Variants in HECW1 observed in about 807,000 individuals in gnomAD.
The protein encoded by HECW1 is E3 ubiquitin-protein ligase HECW1.
Under a neutral mutation model 182.3 loss-of-function variants are expected in HECW1, and 61 were observed. The observed-to-expected ratio is 0.33, with a 90% CI of 0.27 to 0.41. The LOEUF (loss-of-function observed/expected upper bound fraction) is 0.41, where lower values mean the gene tolerates loss of function less well. HECW1 is among the 10% of genes least tolerant of loss of function. HECW1 has a pLI of 1.00. For synonymous variants in HECW1, 859 were observed against 832.6 expected, an observed-to-expected ratio of 1.03 and a Z score of -0.55; for missense variants, 1,739 against 2,108.9, an observed-to-expected ratio of 0.82 and a Z score of 3.44.
chr7:43,476,654 T>C (rs1333648151), intron 16 of HECW1, among the ~76,000 whole-genome samples: 1 of 152,096 alleles, frequency 6.6e-6, no homozygotes, highest in Non-Finnish European at 1.5e-5. Flanking sequence ...AAATAAAATA[T>C]CCTGAAACAC....
At chr7:43,438,384 A>C (rs2076777019) in intron 9 of HECW1, 2 of 338,534 alleles carry the variant, frequency 5.9e-6, no homozygotes, top group African/African-American at 2.1e-5. Flanking sequence ...AGAGTAAAAA[A>C]TCCTATTAAA....
intron 24 of HECW1, among the ~76,000 whole-genome samples, chr7:43,539,861 G>A (rs1182023224): frequency 6.6e-6 from 1 of 152,184 alleles, no homozygotes; most frequent in Non-Finnish European, 1.5e-5. Context: ...TTATACACAG[G>A]TTGTGGTTAC....
Position 43,501,269 on chromosome 7 carries a change from G to A in HECW1, c.3578G>A (p.Gly1193Glu). The change falls in exon 21 of 30, where the codon GGG becomes GAG. Residue 1193 changes from glycine (G) to glutamate (E), a missense_variant. By Grantham distance (98) the Gly-to-Glu change is moderately conservative. Coordinates refer to ENST00000395891, the MANE Select transcript of HECW1 (RefSeq NM_015052.5). ...YVPLQAAFHP[G>E]YSFSPRCSPC... ...CCCCTGCAGGCTGCCTTCCACCCTG[G>A]GTATAGCTTCTCTCCCCGATGTTCA... is the stretch of plus-strand genomic sequence containing the variant. 1 of 1,609,106 alleles carries A rather than the reference G, an allele frequency of 6.2e-7. No individual in the cohort carries two copies. The highest frequency in any genetic ancestry group is 1.1e-5 in the South Asian group (1 of 90,860).
intron 8 of HECW1, among the ~76,000 whole-genome samples, chr7:43,420,654 A>T (rs1214809649): frequency 1.3e-5 from 2 of 152,236 alleles, no homozygotes; most frequent in Non-Finnish European, 2.9e-5. Flanking sequence ...CGTAAAATAA[A>T]TCATATTTCT....
At chr7:43,158,558 C>A (rs914936116) in intron 2 of HECW1, among the ~76,000 whole-genome samples, 5 of 152,216 alleles carry the variant, frequency 3.3e-5, no homozygotes, top group Admixed American at 6.5e-5. Context: ...AGCTGGGTAC[C>A]GCTTTTTAAA....
At chr7:43,483,094 C>T (rs911436927) in intron 17 of HECW1, among the ~76,000 whole-genome samples, 12 of 152,076 alleles carry the variant, frequency 7.9e-5, no homozygotes, top group South Asian at 2.1e-4. Context: ...AACAGGTTCC[C>T]GCTTGCTGTG....
At chr7:43,457,997 A>G (rs2077460280) in intron 13 of HECW1, among the ~76,000 whole-genome samples, 1 of 152,198 alleles carries the variant, frequency 6.6e-6, no homozygotes, top group Non-Finnish European at 1.5e-5. Flanking sequence ...AGCACACTTT[A>G]CAATCATTCT....
chr7:43,178,764 C>A (rs1250770865), intron 2 of HECW1, among the ~76,000 whole-genome samples: 1 of 152,216 alleles, frequency 6.6e-6, no homozygotes, highest in Non-Finnish European at 1.5e-5. Context: ...TGCTTTGAAT[C>A]ACTGTGGTTC....
intron 7 of HECW1, among the ~76,000 whole-genome samples, chr7:43,397,480 C>G (rs560529633): frequency 8.5e-5 from 13 of 152,218 alleles, no homozygotes; most frequent in African/African-American, 2.2e-4. Flanking sequence ...TTTATTTCAC[C>G]TGAGTGCAGG....
At chr7:43,384,428 G>T (rs1562916242) in intron 6 of HECW1, among the ~76,000 whole-genome samples, 1 of 152,202 alleles carries the variant, frequency 6.6e-6, no homozygotes, top group Non-Finnish European at 1.5e-5. Context: ...CAAGATGGCG[G>T]TGTGCCTGGG....
At chr7:43,348,295 G>A (rs1259253759) in intron 5 of HECW1, among the ~76,000 whole-genome samples, 2 of 151,996 alleles carry the variant, frequency 1.3e-5, no homozygotes, top group Non-Finnish European at 1.5e-5. Flanking sequence ...TCTAGTTTAT[G>A]TGCATAAAGG....
intron 3 of HECW1, among the ~76,000 whole-genome samples, chr7:43,274,863 A>G (rs989768013): frequency 2.6e-5 from 4 of 152,250 alleles, no homozygotes; most frequent in Non-Finnish European, 5.9e-5. Flanking sequence ...ATGCTAGAAA[A>G]CAAACCACAA....
intron 2 of HECW1, among the ~76,000 whole-genome samples, chr7:43,206,004 T>G (rs2152692173): frequency 6.6e-6 from 1 of 152,204 alleles, no homozygotes; most frequent in African/African-American, 2.4e-5. Context: ...CCCTGCCACT[T>G]CCTCCCCTGG....
chr7:43,360,230 T>A (rs79919326), intron 5 of HECW1, among the ~76,000 whole-genome samples: 8 of 151,376 alleles, frequency 5.3e-5, no homozygotes, highest in Admixed American at 3.3e-4. Context: ...TTTTTTTTTT[T>A]AAATGGAGTC....
At chr7:43,522,609 C>G (rs1271382300) in intron 24 of HECW1, 1 of 154,052 alleles carries the variant, frequency 6.5e-6, no homozygotes, top group African/African-American at 2.4e-5. Flanking sequence ...TCCAAGCAGG[C>G]CTGCAGCTGC....
chr7:43,294,361 T>C (rs1000352080), intron 3 of HECW1, among the ~76,000 whole-genome samples: 2 of 151,900 alleles, frequency 1.3e-5, no homozygotes, highest in African/African-American at 4.8e-5. Flanking sequence ...AACTAGCTGT[T>C]CCCATGGGGG....
intron 16 of HECW1, among the ~76,000 whole-genome samples, chr7:43,474,471 T>TA (rs2078147152): frequency 1.3e-5 from 2 of 151,764 alleles, no homozygotes; most frequent in Admixed American, 6.6e-5. Flanking sequence ...AATAAATAAA[T>TA]AAAAATCCTT....
intron 2 of HECW1, among the ~76,000 whole-genome samples, chr7:43,178,816 T>C (rs1792518932): frequency 6.6e-6 from 1 of 152,236 alleles, no homozygotes; most frequent in Non-Finnish European, 1.5e-5. Context: ...CCAGCCCACT[T>C]GGACCTTCAA....
At chr7:43,213,428 T>C (rs1024997376) in intron 2 of HECW1, among the ~76,000 whole-genome samples, 7 of 150,500 alleles carry the variant, frequency 4.7e-5, no homozygotes, top group African/African-American at 1.7e-4. Context: ...TTAGAGCTGG[T>C]GATCATAAGA....
Sources: gnomAD v4.1 joint callset for allele counts (sites outside exome capture counted in the v4.1 genomes callset) on GRCh38, gnomAD v4.1.1 for gene constraint, MANE v1.5 for transcripts, NCBI Gene and HGNC (gene_info 2026-07-23, HGNC 2026-07-21) for gene names.